Variants in SAMMSON observed in about 807,000 individuals in gnomAD.
SAMMSON encodes the protein long intergenic non-protein coding RNA 1212.
At chr3:70,053,710 C>T (rs1256725615) in intron 3 of SAMMSON, among the ~76,000 whole-genome samples, 1 of 152,096 alleles carries the variant, frequency 6.6e-6, no homozygotes, top group Non-Finnish European at 1.5e-5. Flanking sequence ...TTCCAGGTTT[C>T]CCATTATACT....
chr3:70,020,350 A>T (rs1208611242), intron 3 of SAMMSON, among the ~76,000 whole-genome samples: 1 of 152,150 alleles, frequency 6.6e-6, no homozygotes, highest in Non-Finnish European at 1.5e-5. Flanking sequence ...ACCCTAGACG[A>T]AAGAGTACAA....
chr3:70,409,403 G>T (rs1449967201), intron 2 of SAMMSON, among the ~76,000 whole-genome samples: 2 of 150,710 alleles, frequency 1.3e-5, no homozygotes, highest in African/African-American at 4.9e-5. Context: ...AACGTTTTTT[G>T]CATACAGATC....
intron 4 of SAMMSON, among the ~76,000 whole-genome samples, chr3:70,188,529 G>T (rs984662091): frequency 6.6e-6 from 1 of 152,166 alleles, no homozygotes; most frequent in Non-Finnish European, 1.5e-5. Context: ...GAGTGAACAG[G>T]AATAATGAAA....
In SAMMSON at chr3:70,179,870, G is replaced by A. The variant is rs1458919322; in HGVS notation, n.508-69237G>A. ...GAAAAGTTCAACTGCTAAGAAAGAT[G>A]TGCTTCCTGAGTGAGTGGATGTATG... On this transcript the variant is annotated intron_variant and non_coding_transcript_variant, in intron 4 of 9. Transcript: ENST00000642114. 9.9e-5 allele frequency among the ~76,000 whole-genome samples: 15 copies of A among 152,056 alleles called. 1 individual carries two copies. Among genetic ancestry groups the A allele is most frequent in the Admixed American group, 9.2e-4 (14 of 15,270 alleles).
At chr3:70,344,264 C>T (rs551346657) in intron 7 of SAMMSON, among the ~76,000 whole-genome samples, 78 of 152,084 alleles carry the variant, frequency 5.1e-4, no homozygotes, top group Middle Eastern at 3.4e-3. Flanking sequence ...CATAAGGAGA[C>T]GAACAGAATA....
chr3:70,394,456 G>A (rs892484387), downstream of SAMMSON, among the ~76,000 whole-genome samples: 1 of 152,108 alleles, frequency 6.6e-6, no homozygotes, highest in South Asian at 2.1e-4. Context: ...TTTGGGCCAA[G>A]CGGACAAAGT....
At chr3:70,045,014 A>G (rs958050829) in intron 3 of SAMMSON, among the ~76,000 whole-genome samples, 1 of 129,752 alleles carries the variant, frequency 7.7e-6, no homozygotes, top group Non-Finnish European at 1.6e-5. Context: ...TTATATATAT[A>G]TAATTAATTA....
chr3:70,170,579 C>CTTTTTT (rs538385626), intron 4 of SAMMSON, among the ~76,000 whole-genome samples: 26 of 105,482 alleles, frequency 2.5e-4, no homozygotes, highest in South Asian at 3.2e-4. Flanking sequence ...CTAGATTTTC[C>CTTTTTT]TTTTTTTTTT....
At chr3:70,409,676 G>A (rs1369814155) in intron 2 of SAMMSON, among the ~76,000 whole-genome samples, 1 of 152,030 alleles carries the variant, frequency 6.6e-6, no homozygotes, top group Non-Finnish European at 1.5e-5. Flanking sequence ...ATCAAATTAA[G>A]GCACAATTGA....
At chr3:70,328,786 A>C (rs1328232028) in intron 7 of SAMMSON, among the ~76,000 whole-genome samples, 4 of 152,128 alleles carry the variant, frequency 2.6e-5, no homozygotes, top group Admixed American at 2.0e-4. Context: ...TCGTTTTCCA[A>C]ATTTGATGAA....
intron 7 of SAMMSON, among the ~76,000 whole-genome samples, chr3:70,296,280 C>G (rs1199132144): frequency 6.6e-6 from 1 of 152,026 alleles, no homozygotes; most frequent in Non-Finnish European, 1.5e-5. Flanking sequence ...AATTTAAATC[C>G]TATGTTTTGT....
chr3:70,277,467 C>G (rs924825787), intron 6 of SAMMSON, among the ~76,000 whole-genome samples: 1 of 152,106 alleles, frequency 6.6e-6, no homozygotes, highest in Admixed American at 6.5e-5. Context: ...AATGACGGCT[C>G]TTGATTCACT....
intron 9 of SAMMSON, among the ~76,000 whole-genome samples, chr3:70,380,358 TA>T (rs1215279810): frequency 1.3e-5 from 2 of 152,050 alleles, no homozygotes; most frequent in African/African-American, 4.8e-5. Context: ...AGAATCTGAG[TA>T]AAAATCCTGT....
chr3:70,183,001 A>C lies in SAMMSON; in HGVS notation n.508-66106A>C, dbSNP rs188519965. On this transcript the variant is annotated intron_variant and non_coding_transcript_variant, in intron 4 of 9. Transcript: ENST00000642114. ...ATCTGAGCATTAAAAAGTCTTTCTTACTCTGACAGTTTAGGGAAAAGTAGG... is the reference window on the plus strand; with the variant it reads ...ATCTGAGCATTAAAAAGTCTTTCTTCCTCTGACAGTTTAGGGAAAAGTAGG... Among the ~76,000 whole-genome samples the C allele has an allele frequency of 3.9e-3, 599 of 152,254 alleles. 5 individuals are homozygous for C. The highest frequency in any genetic ancestry group is 0.014 in the African/African-American group (580 of 41,540).
intron 9 of SAMMSON, among the ~76,000 whole-genome samples, chr3:70,375,546 C>A (rs1029180827): frequency 2.0e-5 from 3 of 151,958 alleles, no homozygotes; most frequent in African/African-American, 7.3e-5. Flanking sequence ...AGGGCCAGGG[C>A]AGTTCTCCAG....
intron 6 of SAMMSON, among the ~76,000 whole-genome samples, chr3:70,253,054 T>G (rs1189215777): frequency 6.6e-6 from 1 of 151,824 alleles, no homozygotes; most frequent in Non-Finnish European, 1.5e-5. Context: ...TACTCCAGCC[T>G]GGGGGACAAG....
chr3:70,403,915 A>G (rs1303071030), intron 2 of SAMMSON, among the ~76,000 whole-genome samples: 1 of 152,166 alleles, frequency 6.6e-6, no homozygotes, highest in Non-Finnish European at 1.5e-5. Flanking sequence ...TATTATCTCT[A>G]TCAAATTTTA....
chr3:70,138,107 GGGAA>G (rs2067513407), intron 4 of SAMMSON, among the ~76,000 whole-genome samples: 1 of 152,102 alleles, frequency 6.6e-6, no homozygotes, highest in African/African-American at 2.4e-5. Flanking sequence ...AATTTGTTTT[GGGAA>G]TGAGATTCAA....
intron 7 of SAMMSON, among the ~76,000 whole-genome samples, chr3:70,329,958 T>G (rs1256477381): frequency 6.6e-6 from 1 of 151,946 alleles, no homozygotes; most frequent in African/African-American, 2.4e-5. Flanking sequence ...GAATTTGAAA[T>G]AATTTACAAG....
Sources: allele counts gnomAD v4.1 joint callset (sites outside exome capture counted in the v4.1 genomes callset), GRCh38; gene constraint gnomAD v4.1.1; transcripts MANE v1.5; gene names NCBI Gene and HGNC (gene_info 2026-07-23, HGNC 2026-07-21).